ATP13A4: variants seen among roughly 807,000 people sequenced by gnomAD.
ATP13A4 encodes probable cation-transporting ATPase 13A4.
In ATP13A4, 114 loss-of-function variants were observed where a neutral mutation model predicts 142.5. That is an observed-to-expected ratio of 0.80 (90% CI 0.69 to 0.93). ATP13A4 has a LOEUF of 0.93. ATP13A4 is among the 40% of genes least tolerant of loss of function. ATP13A4 has a pLI of 0.00. For synonymous variants in ATP13A4, 488 were observed against 514.8 expected (o/e 0.95, Z 0.70); for missense variants, 1,392 against 1,454.0 (o/e 0.96, Z 0.69).
intron 21 of ATP13A4, 179 bp from the exon 22 acceptor site, chr3:193,439,244 AAATTCAG>A (rs1263192020): frequency 3.0e-6 from 2 of 674,012 alleles, no homozygotes; most frequent in Non-Finnish European, 5.2e-6. Context: ...ATGGATTTAG[AAATTCAG>A]AACGTGATTC....
chr3:193,461,987 C>T (rs1054681308), intron 13 of ATP13A4, among the ~76,000 whole-genome samples: 2 of 152,060 alleles, frequency 1.3e-5, no homozygotes, highest in African/African-American at 4.8e-5. Context: ...TTCAGGAGGC[C>T]GAGGTGGACG....
At chr3:193,465,691 C>T (rs1453299473) in intron 11 of ATP13A4, among the ~76,000 whole-genome samples, 1 of 152,132 alleles carries the variant, frequency 6.6e-6, no homozygotes, top group Non-Finnish European at 1.5e-5. Context: ...TATTTAAAAT[C>T]CCTTGCTCAA....
chr3:193,555,670 T>G (rs1436620643), upstream of ATP13A4, among the ~76,000 whole-genome samples: 1 of 152,204 alleles, frequency 6.6e-6, no homozygotes, highest in Non-Finnish European at 1.5e-5. Context: ...AAAAGTTAAG[T>G]CATATTTGCT....
At chr3:193,557,472 A>G (rs1723927515), upstream of ATP13A4, among the ~76,000 whole-genome samples, 2 of 152,206 alleles carry the variant, frequency 1.3e-5, no homozygotes, top group Admixed American at 1.3e-4. Context: ...ACACTTCCAC[A>G]TATGAGGCAC....
chr3:193,493,978 A>G (rs1482079601), intron 3 of ATP13A4, among the ~76,000 whole-genome samples: 1 of 152,124 alleles, frequency 6.6e-6, no homozygotes. Context: ...ACCAGAAAAG[A>G]GTAGAAATAG....
At chr3:193,447,839 T>A (rs1482884295) in intron 18 of ATP13A4, among the ~76,000 whole-genome samples, 2 of 152,190 alleles carry the variant, frequency 1.3e-5, no homozygotes, top group East Asian at 3.9e-4. Flanking sequence ...TTCTAGCACT[T>A]GACAATAAAA....
chr3:193,514,507 T>C (rs907635362), intron 2 of ATP13A4, among the ~76,000 whole-genome samples, 191 bp downstream of exon 2: 5 of 150,586 alleles, frequency 3.3e-5, no homozygotes, highest in Non-Finnish European at 5.9e-5. Context: ...GTTTGTTCCA[T>C]GTCTTTGCTA....
chr3:193,535,375 A>C (rs1648276900), intron 1 of ATP13A4, among the ~76,000 whole-genome samples: 1 of 152,140 alleles, frequency 6.6e-6, no homozygotes. Context: ...AATAACAGAA[A>C]TTTAACAAAA....
chr3:193,465,646 C>G (rs1344535518), intron 11 of ATP13A4, among the ~76,000 whole-genome samples: 5 of 152,206 alleles, frequency 3.3e-5, no homozygotes, highest in Non-Finnish European at 7.3e-5. Context: ...ACGTACTAGT[C>G]TGCCATGACC....
At chr3:193,575,488 G>A (rs1173544330) in intron 2 of ATP13A4, among the ~76,000 whole-genome samples, 1 of 152,178 alleles carries the variant, frequency 6.6e-6, no homozygotes, top group Non-Finnish European at 1.5e-5. Context: ...AGAGAATACA[G>A]AAGCAAGTAG....
At chr3:193,566,997 C>T (rs779566623) in intron 2 of ATP13A4, among the ~76,000 whole-genome samples, 5 of 152,232 alleles carry the variant, frequency 3.3e-5, no homozygotes, top group East Asian at 1.9e-4. Context: ...CAGATACTTT[C>T]GTTATTACCA....
chr3:193,545,973 TTGTGTGTGTGTGTGTGTGTG>T lies in ATP13A4; in HGVS notation c.60+8747_60+8766del, dbSNP rs3053200. ...TTTATCTGTTTTCAAAATGTTTAAA[TTGTGTGTGTGTGTGTGTGTG>T]TGTGTGTGTGTGTGTGTGTGTGTGT... On this transcript the variant is annotated intron_variant, in intron 1 of 29. Transcript: ENST00000342695. Among the ~76,000 whole-genome samples, 815 of 143,204 alleles carry T rather than the reference TTGTGTGTGTGTGTGTGTGTG, an allele frequency of 5.7e-3. 10 individuals are homozygous for T. The highest frequency in any genetic ancestry group is 0.015 in the African/African-American group (574 of 38,244). The allele number at this position is 143,204 out of a possible 152,430, so 93.9% of individuals were successfully genotyped here.
At chr3:193,467,530 C>T in intron 9 of ATP13A4, 44 bp from the exon 10 acceptor site, 1 of 1,588,814 alleles carries the variant, frequency 6.3e-7, no homozygotes, top group Non-Finnish European at 8.6e-7. Flanking sequence ...GGATGGCTTC[C>T]CTCATTTAAA....
At chr3:193,533,415 A>C (rs1286866893) in intron 1 of ATP13A4, among the ~76,000 whole-genome samples, 1 of 152,158 alleles carries the variant, frequency 6.6e-6, no homozygotes, top group Non-Finnish European at 1.5e-5. Flanking sequence ...AATGAACGAC[A>C]TATTTTGCCA....
In ATP13A4 at chr3:193,489,740, T is replaced by C. The variant is rs1577016619; in HGVS notation, c.728A>G (p.Asp243Gly). The C allele has an allele frequency of 6.2e-7, 1 of 1,609,060 alleles. No homozygotes were observed. The highest frequency in any genetic ancestry group is 2.2e-5 in the East Asian group (1 of 44,802). Residue 243 changes from aspartate to glycine, a missense_variant, in exon 7 of 30, where the codon GAT becomes GGT. Asp to Gly is a moderately conservative substitution (Grantham distance 94). Coordinates refer to ENST00000342695, the MANE Select transcript of ATP13A4 (RefSeq NM_032279.4). ...AATAGAAAAACTCACCTCTCTGAGA[T>C]CATATACTGTCAAAGATATGGAAAT... ...SIISISLTVY[D>G]LREQSVKLHH...
In ATP13A4 at chr3:193,436,960, C is replaced by T. The variant is rs566556522; in HGVS notation, c.2673-1216G>A. 3.8e-4 allele frequency among the ~76,000 whole-genome samples: 56 copies of T among 148,482 alleles called. 5 individuals carry two copies. The highest frequency in any genetic ancestry group is 1.2e-3 in the African/African-American group (48 of 38,582). On this transcript the variant is annotated intron_variant, in intron 23 of 29. Transcript: ENST00000342695. ...TCTACTAAAAATGCAAAAAATTAGCCGGGCGTGGTGGCGGGCGCCTGTAGT... is the reference window on the plus strand; with the variant it reads ...TCTACTAAAAATGCAAAAAATTAGCTGGGCGTGGTGGCGGGCGCCTGTAGT...
chr3:193,440,468 C>A, intron 21 of ATP13A4, 90 bp downstream of exon 21: 1 of 1,593,386 alleles, frequency 6.3e-7, no homozygotes, highest in South Asian at 1.1e-5. Flanking sequence ...CTGCCCTTGT[C>A]AAACTGAGTG....
At chr3:193,431,979 G>A (rs1716002249) in intron 25 of ATP13A4, among the ~76,000 whole-genome samples, 1 of 151,888 alleles carries the variant, frequency 6.6e-6, no homozygotes, top group African/African-American at 2.4e-5. Flanking sequence ...TGGAGAAAGT[G>A]GGTATACATA....
At chr3:193,429,025 T>C (rs1715828072) in intron 25 of ATP13A4, among the ~76,000 whole-genome samples, 2 of 152,118 alleles carry the variant, frequency 1.3e-5, no homozygotes, top group South Asian at 4.2e-4. Flanking sequence ...AAAGAAGACA[T>C]GTAAATGGCT....
Sources: allele counts gnomAD v4.1 joint callset (sites outside exome capture counted in the v4.1 genomes callset), GRCh38; gene constraint gnomAD v4.1.1; transcripts MANE v1.5; gene names NCBI Gene and HGNC (gene_info 2026-07-23, HGNC 2026-07-21).